NCK2: variants seen among roughly 807,000 people sequenced by gnomAD.
The protein encoded by NCK2 is NCK adaptor protein 2, also known as cytoplasmic protein NCK2.
A neutral mutation model predicts 33.9 loss-of-function variants in NCK2; 16 were observed. The observed-to-expected ratio is 0.47, with a 90% CI of 0.32 to 0.72. The LOEUF (loss-of-function observed/expected upper bound fraction) is 0.72, where lower values mean the gene tolerates loss of function less well. Ranked by LOEUF, NCK2 falls within the 30% of genes least tolerant of loss-of-function variation. The pLI is 0.03. For missense variants in NCK2, 418 were observed against 537.3 expected (o/e 0.78, Z 2.19); for synonymous variants, 273 against 239.9 (o/e 1.14, Z -1.27).
At chr2:105,814,941 T>C in intron 1 of NCK2, among the ~76,000 whole-genome samples, 1 of 152,214 alleles carries the variant, frequency 6.6e-6, no homozygotes, top group East Asian at 1.9e-4. Flanking sequence ...ACGTTTATAA[T>C]AGCCCCTGAA....
intron 2 of NCK2, among the ~76,000 whole-genome samples, chr2:105,850,470 GT>G (rs1157569946): frequency 6.6e-6 from 1 of 152,164 alleles, no homozygotes; most frequent in Non-Finnish European, 1.5e-5. Context: ...TCTGAGAGCT[GT>G]TTTTCCAGCA....
At chr2:105,852,877 A>T (rs3754807) in intron 2 of NCK2, among the ~76,000 whole-genome samples, 29,976 of 152,182 alleles carry the variant, frequency 0.2, 3,625 homozygotes, top group East Asian at 0.32. Context: ...TAGGAGCTTC[A>T]TGTAAACTTT....
intron 1 of NCK2, among the ~76,000 whole-genome samples, chr2:105,766,454 G>C (rs562344991): frequency 6.6e-6 from 1 of 152,274 alleles, no homozygotes; most frequent in South Asian, 2.1e-4. Flanking sequence ...CACCTGAGTA[G>C]CTGAGACTAC....
At chr2:105,860,155 ATG>A (rs1677460046) in intron 3 of NCK2, among the ~76,000 whole-genome samples, 2 of 152,074 alleles carry the variant, frequency 1.3e-5, no homozygotes, top group Non-Finnish European at 2.9e-5. Flanking sequence ...GCATGGTGTC[ATG>A]TGCCTGTGGT....
intron 1 of NCK2, among the ~76,000 whole-genome samples, chr2:105,747,853 G>C (rs1294244773): frequency 6.6e-6 from 1 of 152,196 alleles, no homozygotes; most frequent in Non-Finnish European, 1.5e-5. Flanking sequence ...CTCAGAAGAA[G>C]GTCGTGACGG....
At chr2:105,834,272 T>G (rs1434918456) in intron 2 of NCK2, among the ~76,000 whole-genome samples, 1 of 149,880 alleles carries the variant, frequency 6.7e-6, no homozygotes, top group Non-Finnish European at 1.5e-5. Flanking sequence ...TTGGGGTCTA[T>G]CTCTCTCTTT....
At chr2:105,772,544 G>A (rs1690167487) in intron 1 of NCK2, among the ~76,000 whole-genome samples, 1 of 152,064 alleles carries the variant, frequency 6.6e-6, no homozygotes, top group Admixed American at 6.6e-5. Flanking sequence ...CAGCACTGGG[G>A]TCAGCCGCAT....
At chr2:105,799,117 C>G (rs1387408419) in intron 1 of NCK2, among the ~76,000 whole-genome samples, 1 of 152,006 alleles carries the variant, frequency 6.6e-6, no homozygotes, top group East Asian at 1.9e-4. Flanking sequence ...TCCTGTCTGT[C>G]CTTCGTGTCC....
chr2:105,814,213 C>CAG (rs1675395289), intron 1 of NCK2, among the ~76,000 whole-genome samples: 1 of 152,156 alleles, frequency 6.6e-6, no homozygotes, highest in Non-Finnish European at 1.5e-5. Flanking sequence ...CATTTAAACC[C>CAG]AGAGAGAGAG....
intron 3 of NCK2, among the ~76,000 whole-genome samples, chr2:105,878,763 C>T (rs534308693): frequency 1.2e-4 from 19 of 152,314 alleles, no homozygotes; most frequent in Non-Finnish European, 2.8e-4. Context: ...TGCACTGACC[C>T]TCTGAGTTGC....
intron 1 of NCK2, among the ~76,000 whole-genome samples, chr2:105,784,932 T>G (rs1690623091): frequency 6.6e-6 from 1 of 152,226 alleles, no homozygotes; most frequent in South Asian, 2.1e-4. Flanking sequence ...AAGCAGGTAG[T>G]TGTTTTTTAT....
rs1428631760 is a variant in NCK2 at position 105,893,058 on chromosome 2, A to T, written c.1025A>T (p.Tyr342Phe). 4 of 1,614,114 alleles carry T rather than the reference A, an allele frequency of 2.5e-6. No individual in the cohort carries two copies. Among genetic ancestry groups the T allele is most frequent in the Non-Finnish European group, 1.7e-6 (2 of 1,180,010 alleles). ...AAGGTGCAGCTCGTGGACAATGTCT[A>T]CTGCATTGGGCAGCGGCGCTTCCAC... ...HFKVQLVDNV[Y>F]CIGQRRFHTM... Residue 342 changes from tyrosine (Y) to phenylalanine (F), a missense_variant, in exon 5 of 5, where the codon TAC becomes TTC. By Grantham distance (22) the Tyr-to-Phe change is conservative. Coordinates refer to ENST00000233154, the MANE Select transcript of NCK2 (RefSeq NM_003581.5).
chr2:105,758,413 G>GTTTTTTTTTTTTTTTTT (rs574939583), intron 1 of NCK2, among the ~76,000 whole-genome samples: 1 of 132,532 alleles, frequency 7.5e-6, no homozygotes. Context: ...TGTTGTTTTT[G>GTTTTTTTTTTTTTTTTT]TTTTTTTTTT....
At chr2:105,797,637 T>G (rs1691130550) in intron 1 of NCK2, among the ~76,000 whole-genome samples, 1 of 152,144 alleles carries the variant, frequency 6.6e-6, no homozygotes, top group Non-Finnish European at 1.5e-5. Flanking sequence ...ATGAGTATGG[T>G]AACAGTGAGG....
At chr2:105,801,649 C>T (rs771637885) in intron 1 of NCK2, among the ~76,000 whole-genome samples, 15 of 151,952 alleles carry the variant, frequency 9.9e-5, no homozygotes, top group Non-Finnish European at 2.1e-4. Context: ...TCTTACCTAC[C>T]CTGTGAGAGC....
At chr2:105,869,983 A>G (rs1185862684) in intron 3 of NCK2, among the ~76,000 whole-genome samples, 1 of 151,736 alleles carries the variant, frequency 6.6e-6, no homozygotes, top group Non-Finnish European at 1.5e-5. Flanking sequence ...GGGCTTTCTT[A>G]TGACTGGAGT....
At chr2:105,770,606 T>C (rs771927961) in intron 1 of NCK2, among the ~76,000 whole-genome samples, 3 of 152,246 alleles carry the variant, frequency 2.0e-5, no homozygotes, top group Non-Finnish European at 4.4e-5. Context: ...AACAGACCAC[T>C]GATCTGTAAA....
intron 1 of NCK2, among the ~76,000 whole-genome samples, chr2:105,756,488 A>C (rs1438497338): frequency 6.6e-6 from 1 of 152,168 alleles, no homozygotes; most frequent in Non-Finnish European, 1.5e-5. Context: ...ACCTTGTATC[A>C]TTTGATTCTA....
chr2:105,764,267 A>G (rs1393889744), intron 1 of NCK2, among the ~76,000 whole-genome samples: 1 of 152,250 alleles, frequency 6.6e-6, no homozygotes, highest in Admixed American at 6.5e-5. Context: ...GCACCTTTGC[A>G]TCCGCACCCT....
Sources: gnomAD v4.1 joint callset for allele counts (sites outside exome capture counted in the v4.1 genomes callset) on GRCh38, gnomAD v4.1.1 for gene constraint, MANE v1.5 for transcripts, NCBI Gene and HGNC (gene_info 2026-07-23, HGNC 2026-07-21) for gene names.